The following FYN variants were observed in gnomAD, a reference collection of about 807,000 sequenced individuals.
FYN encodes tyrosine-protein kinase Fyn.
Under a neutral mutation model 70.2 loss-of-function variants are expected in FYN, and 10 were observed. The ratio of observed to expected loss-of-function variants is 0.14; its 90% CI spans 0.09 to 0.24. The LOEUF (loss-of-function observed/expected upper bound fraction) is 0.24. FYN is among the 10% of genes least tolerant of loss of function. The pLI is 1.00. For missense variants in FYN, 319 were observed against 673.1 expected (o/e 0.47, Z 5.82); for synonymous variants, 236 against 248.6 (o/e 0.95, Z 0.48).
chr6:111,763,653 A>T (rs1803095159), intron 3 of FYN, among the ~76,000 whole-genome samples: 1 of 152,250 alleles, frequency 6.6e-6, no homozygotes, highest in South Asian at 2.1e-4. Context: ...CATTAATATT[A>T]TAACATACGT....
In FYN at chr6:111,662,006, A is replaced by G. The variant is rs558970622; in HGVS notation, c.1406-59T>C. ...CGGGGATCCAGGCCCTGACCGCCGCACTTGCAGATCCCCTTTCTTCTTCTT... is the reference window on the plus strand; with the variant it reads ...CGGGGATCCAGGCCCTGACCGCCGCGCTTGCAGATCCCCTTTCTTCTTCTT... On this transcript the variant is annotated intron_variant, in intron 13 of 13. Transcript: ENST00000354650. 5.1e-5 allele frequency: 70 copies of G among 1,377,448 alleles called. No individual in the cohort carries two copies. In the African/African-American group the frequency reaches 8.7e-4, roughly 17 times the overall value. The allele number at this position is 1,377,448 out of a possible 1,614,324, so 85.3% of individuals were successfully genotyped here.
At chr6:111,865,076 C>T (rs1168671365) in intron 1 of FYN, among the ~76,000 whole-genome samples, 2 of 152,132 alleles carry the variant, frequency 1.3e-5, no homozygotes. Context: ...AATACAAGGC[C>T]AGAAACAAGT....
intron 2 of FYN, among the ~76,000 whole-genome samples, chr6:111,816,635 C>T (rs1001518274): frequency 2.0e-5 from 3 of 152,098 alleles, no homozygotes; most frequent in African/African-American, 4.8e-5. Flanking sequence ...TCATTTTTCA[C>T]GTATCAAGTT....
In FYN at chr6:111,873,284, C is replaced by T. The variant is rs1774342678; in HGVS notation, c.-439G>A. The T allele has an allele frequency of 6.6e-6, 1 of 150,558 alleles. No homozygotes were observed. Among genetic ancestry groups the T allele is most frequent in the Non-Finnish European group, 1.5e-5 (1 of 67,452 alleles). The allele number at this position is 150,558 out of a possible 1,614,324, so 9.3% of individuals were successfully genotyped here. A position where few individuals can be genotyped will look rare whatever the true frequency, so the allele number is the denominator to read the frequency against. On this transcript the variant is annotated 5_prime_UTR_variant, in exon 1 of 14. Coordinates refer to ENST00000354650, the MANE Select transcript of FYN (RefSeq NM_002037.5). Reference sequence around the variant, plus strand: ...CGCACAACAACCTCGCCTCTACTCTCGCCGCCGGGCGGCGGGCGGGTCTCG... The same window carrying T: ...CGCACAACAACCTCGCCTCTACTCTTGCCGCCGGGCGGCGGGCGGGTCTCG...
chr6:111,858,095 G>A (rs1308749077), intron 1 of FYN, among the ~76,000 whole-genome samples: 2 of 152,148 alleles, frequency 1.3e-5, no homozygotes, highest in Non-Finnish European at 2.9e-5. Context: ...CCACCCAAGG[G>A]CATAAGCAGG....
chr6:111,764,629 C>T (rs879860939), intron 3 of FYN, among the ~76,000 whole-genome samples: 5 of 152,204 alleles, frequency 3.3e-5, no homozygotes, highest in Admixed American at 1.3e-4. Context: ...ACCAAACAGC[C>T]TCCCTCTGTT....
chr6:111,694,579 A>G lies in FYN; in HGVS notation c.1119+49T>C. The G allele has an allele frequency of 6.2e-7, 1 of 1,613,852 alleles. No homozygotes were observed. Among genetic ancestry groups the G allele is most frequent in the Admixed American group, 1.7e-5 (1 of 60,006 alleles). On this transcript the variant is annotated intron_variant, in intron 11 of 13. Transcript: ENST00000354650. The surrounding 1 kb of genome is among the most constrained non-coding windows in gnomAD (Gnocchi z 5.0). ...TGTTACACCACGACCCAATGTACTT[A>G]GACACGTCATTAAATCTATGGCACA...
At chr6:111,807,114 A>G (rs529822224) in intron 2 of FYN, among the ~76,000 whole-genome samples, 1 of 152,346 alleles carries the variant, frequency 6.6e-6, no homozygotes, top group Admixed American at 6.5e-5. Context: ...TCATGGGCTT[A>G]TAACAAGGGA....
intron 1 of FYN, among the ~76,000 whole-genome samples, chr6:111,861,399 T>A (rs539253264): frequency 1.3e-5 from 2 of 152,342 alleles, no homozygotes; most frequent in South Asian, 4.1e-4. Context: ...AAGTGCCATG[T>A]GATCTCCCAC....
At chr6:111,746,532 G>A (rs1802228682) in intron 3 of FYN, among the ~76,000 whole-genome samples, 1 of 152,092 alleles carries the variant, frequency 6.6e-6, no homozygotes, top group African/African-American at 2.4e-5. Context: ...AGTTTTTATT[G>A]CTTTATCCAT....
chr6:111,734,473 T>C (rs1562496720), intron 3 of FYN, among the ~76,000 whole-genome samples: 2 of 152,226 alleles, frequency 1.3e-5, no homozygotes. Context: ...AGAAGACCTA[T>C]GTCCTCCACT....
chr6:111,841,401 A>T (rs1773352872), intron 2 of FYN, among the ~76,000 whole-genome samples: 1 of 152,254 alleles, frequency 6.6e-6, no homozygotes, highest in South Asian at 2.1e-4. Flanking sequence ...GAGGCTGATA[A>T]TGATGGCTTC....
intron 3 of FYN, among the ~76,000 whole-genome samples, chr6:111,721,121 T>C (rs1283743363): frequency 1.3e-5 from 2 of 152,202 alleles, no homozygotes; most frequent in African/African-American, 4.8e-5. Context: ...ATCCATGTCC[T>C]AGTTAATAAG....
At chr6:111,837,160 G>A (rs1773212782) in intron 2 of FYN, among the ~76,000 whole-genome samples, 1 of 152,060 alleles carries the variant, frequency 6.6e-6, no homozygotes, top group Admixed American at 6.5e-5. Context: ...GGTTTTATAA[G>A]TTACTTTATT....
chr6:111,841,988 A>AAC (rs35832854), intron 2 of FYN, among the ~76,000 whole-genome samples: 1,863 of 148,232 alleles, frequency 0.013, 33 homozygotes, highest in East Asian at 0.081. Flanking sequence ...CTTCCTCCTA[A>AAC]ACACACACAC....
At chr6:111,706,561 A>G (rs1217605549) in intron 6 of FYN, among the ~76,000 whole-genome samples, 1 of 152,268 alleles carries the variant, frequency 6.6e-6, no homozygotes, top group African/African-American at 2.4e-5. Flanking sequence ...CAATAACCCA[A>G]TTAGAATGCC....
intron 3 of FYN, chr6:111,740,904 T>C (rs1801931300): frequency 6.6e-6 from 1 of 152,054 alleles, no homozygotes; most frequent in Admixed American, 6.6e-5. Flanking sequence ...AGCCCAGAAG[T>C]TTGAGACCAG....
rs1012731350 is a variant in FYN at position 111,848,484 on chromosome 6, G to A, written c.-122-1855C>T. On this transcript the variant is annotated intron_variant, in intron 1 of 13. Coordinates refer to ENST00000354650, the MANE Select transcript of FYN (RefSeq NM_002037.5). ...AAGCTGCTGACTCACTACTGCATAAGGAGTGTTATCCATCCATACATATAT... is the reference window on the plus strand; with the variant it reads ...AAGCTGCTGACTCACTACTGCATAAAGAGTGTTATCCATCCATACATATAT... 2.0e-5 allele frequency among the ~76,000 whole-genome samples: 3 copies of A among 152,310 alleles called. No homozygotes were observed. In the South Asian group the frequency reaches 6.2e-4, roughly 32 times the overall value.
At chr6:111,688,901 T>G (rs573645928) in intron 12 of FYN, among the ~76,000 whole-genome samples, 2 of 152,294 alleles carry the variant, frequency 1.3e-5, no homozygotes, top group South Asian at 4.1e-4. Flanking sequence ...TATATCAAAG[T>G]GGTGACTGCC....
Sources: allele counts gnomAD v4.1 joint callset (sites outside exome capture counted in the v4.1 genomes callset), GRCh38; gene constraint gnomAD v4.1.1; non-coding constraint Gnocchi (gnomAD v3.1); transcripts MANE v1.5; gene names NCBI Gene and HGNC (gene_info 2026-07-23, HGNC 2026-07-21).